TXNRD2: variants seen among roughly 807,000 people sequenced by gnomAD.
The protein encoded by TXNRD2 is thioredoxin reductase 2, also known as thioredoxin reductase 2, mitochondrial.
A neutral mutation model predicts 70.8 loss-of-function variants in TXNRD2; 67 were observed. The observed-to-expected ratio is 0.95, with a 90% CI of 0.78 to 1.16. The LOEUF is 1.16. Ranked by LOEUF, TXNRD2 falls within the 50% of genes most tolerant of loss-of-function variation. TXNRD2 has a pLI of 0.00. For missense variants in TXNRD2, 644 were observed against 719.9 expected, an observed-to-expected ratio of 0.89 and a Z score of 1.21; for synonymous variants, 301 against 295.8, an observed-to-expected ratio of 1.02 and a Z score of -0.18.
At chr22:19,928,292 C>T (rs1941228059) in intron 2 of TXNRD2, among the ~76,000 whole-genome samples, 1 of 152,108 alleles carries the variant, frequency 6.6e-6, no homozygotes, top group South Asian at 2.1e-4. Context: ...GCAATACTGT[C>T]CACAATGGCC....
At chr22:19,894,331 T>C (rs1939395227) in intron 11 of TXNRD2, 1 of 152,274 alleles carries the variant, frequency 6.6e-6, no homozygotes, top group Admixed American at 6.5e-5. Flanking sequence ...TGGATGGTCA[T>C]GCTGCTTGTA....
At chr22:19,909,796 ACT>A (rs1275885630) in intron 8 of TXNRD2, among the ~76,000 whole-genome samples, 3 of 72,180 alleles carry the variant, frequency 4.2e-5, no homozygotes, top group African/African-American at 5.7e-5. Context: ...CACACACACC[ACT>A]CACACACACC....
intron 8 of TXNRD2, among the ~76,000 whole-genome samples, chr22:19,907,452 C>T (rs531967025): frequency 8.9e-5 from 3 of 33,634 alleles, no homozygotes; most frequent in Non-Finnish European, 1.8e-4. Flanking sequence ...AGAGTGTGGG[C>T]GCTGTGAGTA....
intron 2 of TXNRD2, among the ~76,000 whole-genome samples, chr22:19,921,106 C>CAA (rs33910378): frequency 0.19 from 15,661 of 84,004 alleles, 1,385 homozygotes; most frequent in Non-Finnish European, 0.23. Context: ...GACTCTGTCT[C>CAA]AAAAAAAAAA....
Position 19,883,472 on chromosome 22 carries a change from C to A in TXNRD2, c.950-11G>T. ...TGTCTGGGACTCGACCTGAAGGAAA[C>A]AGAGAGGGGGCTGAAAGGTTATCTT... is the stretch of plus-strand genomic sequence containing the variant. On this transcript the variant is annotated splice_polypyrimidine_tract_variant and intron_variant, in intron 11 of 17. Coordinates refer to ENST00000400521, the MANE Select transcript of TXNRD2 (RefSeq NM_006440.5). 1 of 1,613,990 alleles carries A rather than the reference C, an allele frequency of 6.2e-7. No homozygotes were observed. The highest frequency in any genetic ancestry group is 8.5e-7 in the Non-Finnish European group (1 of 1,180,040).
chr22:19,898,311 G>A (rs1236961658), intron 9 of TXNRD2, among the ~76,000 whole-genome samples, 181 bp from the exon 10 acceptor site: 2 of 152,188 alleles, frequency 1.3e-5, no homozygotes, highest in South Asian at 2.1e-4. Context: ...GCAAGGAGCC[G>A]CCAAGCAGCA....
chr22:19,877,121 G>T lies in TXNRD2; in HGVS notation c.1559C>A (p.Thr520Lys). 1 of 1,600,110 alleles carries T rather than the reference G, an allele frequency of 6.2e-7. No homozygotes were observed. The highest frequency in any genetic ancestry group is 8.6e-7 in the Non-Finnish European group (1 of 1,169,400). The change falls in exon 17 of 18, where the codon ACA becomes AAA. Residue 520 changes from threonine (T) to lysine (K), a missense_variant. Physicochemically the swap from Thr to Lys is moderately conservative, Grantham distance 78. Transcript: ENST00000400521. ...GGATGGCGCTTACCCTCAGCAGCCTGTCACCGTGGGGTCCAGGCCTGAGCG... is the reference window on the plus strand; with the variant it reads ...GGATGGCGCTTACCCTCAGCAGCCTTTCACCGTGGGGTCCAGGCCTGAGCG... ...SKRSGLDPTV[T>K]GCUG
At chr22:19,936,470 A>G (rs1235927757) in intron 1 of TXNRD2, among the ~76,000 whole-genome samples, 1 of 152,076 alleles carries the variant, frequency 6.6e-6, no homozygotes, top group Non-Finnish European at 1.5e-5. Flanking sequence ...GACCATATCT[A>G]TGCTAACTCT....
At chr22:19,905,533 G>A (rs1008690040) in intron 8 of TXNRD2, among the ~76,000 whole-genome samples, 5 of 152,268 alleles carry the variant, frequency 3.3e-5, no homozygotes, top group Non-Finnish European at 7.3e-5. Flanking sequence ...AGGCCCAAGC[G>A]GGCAGCCTCT....
At chr22:19,904,150 C>A (rs1460350042) in intron 8 of TXNRD2, among the ~76,000 whole-genome samples, 4 of 152,146 alleles carry the variant, frequency 2.6e-5, no homozygotes, top group African/African-American at 9.7e-5. Flanking sequence ...GGGAGTGGGG[C>A]AGCCAGAACG....
At chr22:19,937,234 A>ACT (rs1218660936) in intron 1 of TXNRD2, among the ~76,000 whole-genome samples, 1 of 152,138 alleles carries the variant, frequency 6.6e-6, no homozygotes, top group African/African-American at 2.4e-5. Flanking sequence ...TCCGATAATT[A>ACT]CTCTGATACT....
At chr22:19,919,695 G>A (rs1171531453) in intron 2 of TXNRD2, 96 bp from the exon 3 acceptor site, 14 of 1,135,936 alleles carry the variant, frequency 1.2e-5, no homozygotes, top group Non-Finnish European at 1.7e-5. Context: ...AGAAGAGTGT[G>A]GGCAGGGCCT....
intron 1 of TXNRD2, among the ~76,000 whole-genome samples, chr22:19,932,904 C>T (rs1248775503): frequency 1.3e-5 from 2 of 152,240 alleles, no homozygotes; most frequent in African/African-American, 2.4e-5. Flanking sequence ...CCTTCCTAGG[C>T]AGGCAAGGCT....
rs973963863 is a variant in TXNRD2, at chr22:19,879,813, G to A, written c.1275+366C>T. Among the ~76,000 whole-genome samples, 9 of 152,222 alleles carry A rather than the reference G, an allele frequency of 5.9e-5. 1 individual carries two copies. Among genetic ancestry groups the A allele is most frequent in the East Asian group, 5.8e-4 (3 of 5,178 alleles). Reference sequence around the variant, plus strand: ...CCTCAGCAGGGGAGCGGGTGGCACCGTGGTGGTGACCCTGCTGGTGCTGGG... The same window carrying A: ...CCTCAGCAGGGGAGCGGGTGGCACCATGGTGGTGACCCTGCTGGTGCTGGG... On this transcript the variant is annotated intron_variant, in intron 14 of 17. Coordinates refer to ENST00000400521, the MANE Select transcript of TXNRD2 (RefSeq NM_006440.5).
chr22:19,912,321 A>C (rs1940448684), intron 7 of TXNRD2, among the ~76,000 whole-genome samples: 1 of 152,242 alleles, frequency 6.6e-6, no homozygotes, highest in Non-Finnish European at 1.5e-5. Flanking sequence ...AAAGGGACTA[A>C]AACGCAAGCA....
At chr22:19,910,102 A>C (rs1281277354) in intron 8 of TXNRD2, among the ~76,000 whole-genome samples, 1 of 152,176 alleles carries the variant, frequency 6.6e-6, no homozygotes, top group Non-Finnish European at 1.5e-5. Flanking sequence ...GCTATTGACC[A>C]AGCCTCTGCC....
intron 10 of TXNRD2, among the ~76,000 whole-genome samples, chr22:19,896,858 C>G (rs1939531251): frequency 6.6e-6 from 1 of 152,194 alleles, no homozygotes; most frequent in South Asian, 2.1e-4. Context: ...GCCGCACAGG[C>G]TGTTCATCAC....
intron 11 of TXNRD2, among the ~76,000 whole-genome samples, chr22:19,885,514 C>G (rs1046753354): frequency 6.6e-6 from 1 of 152,254 alleles, no homozygotes; most frequent in Non-Finnish European, 1.5e-5. Flanking sequence ...GCCGGGAGGG[C>G]TGGCACCGGT....
chr22:19,889,138 G>T (rs11089316), intron 11 of TXNRD2, among the ~76,000 whole-genome samples: 417 of 152,246 alleles, frequency 2.7e-3, no homozygotes, highest in African/African-American at 9.4e-3. Context: ...CGGCTCCTTG[G>T]GGGGTGGGGG....
Sources: allele counts gnomAD v4.1 joint callset (sites outside exome capture counted in the v4.1 genomes callset), GRCh38; gene constraint gnomAD v4.1.1; transcripts MANE v1.5; gene names NCBI Gene and HGNC (gene_info 2026-07-23, HGNC 2026-07-21).